The following MSH5 variants were observed in gnomAD, a reference collection of about 807,000 sequenced individuals.
MSH5 encodes mutS homolog 5.
In MSH5, 78 loss-of-function variants were observed where a neutral mutation model predicts 107.7. The observed-to-expected ratio is 0.72, with a 90% confidence interval of 0.60 to 0.87. The LOEUF (loss-of-function observed/expected upper bound fraction) is 0.87, where lower values mean the gene tolerates loss of function less well. Among genes scored for constraint, MSH5 ranks in the 40% least tolerant of loss-of-function variants. The pLI is 0.00. For missense variants in MSH5, 889 were observed against 1,046.6 expected (o/e 0.85, Z 2.08); for synonymous variants, 326 against 399.5 (o/e 0.82, Z 2.19).
chr6:31,759,078 T>G lies in MSH5; in HGVS notation c.1327-19T>G. ...TCTCCAAGCAGGAGAGTAGAGTATC[T>G]CCTCTTTACTCTCCCCAGATTGGCT... On this transcript the variant is annotated intron_variant, in intron 15 of 24. Coordinates refer to ENST00000375750, the MANE Select transcript of MSH5 (RefSeq NM_172166.4). This position sits in a 1 kb window ranked among gnomAD's most constrained non-coding sequence, Gnocchi z 4.7. 1 of 1,601,308 alleles carries G rather than the reference T, an allele frequency of 6.2e-7. No individual in the cohort carries two copies. The highest frequency in any genetic ancestry group is 8.6e-7 in the Non-Finnish European group (1 of 1,169,380).
At position 31,758,917 on chromosome 6, in the gene MSH5, G is replaced by A; in HGVS notation, c.1326+42G>A. 6.4e-7 allele frequency: 1 copy of A among 1,550,840 alleles called. No homozygotes were observed. Among genetic ancestry groups the A allele is most frequent in the Non-Finnish European group, 8.9e-7 (1 of 1,122,910 alleles). On this transcript the variant is annotated intron_variant, in intron 15 of 24. Transcript: ENST00000375750. This position sits in a 1 kb window ranked among gnomAD's most constrained non-coding sequence, Gnocchi z 5.1. The stretch of plus-strand genomic sequence containing the variant: ...GGGTGTAGCCTTCAGATGTCTTTTG[G>A]GGGAGATATTAGGCTTATGAAAGAC...
intron 10 of MSH5, among the ~76,000 whole-genome samples, chr6:31,749,703 C>T (rs1045259798): frequency 2.6e-5 from 4 of 151,988 alleles, no homozygotes; most frequent in African/African-American, 9.7e-5. Flanking sequence ...AATTAGCAGT[C>T]AGTGAATCTG....
intron 12 of MSH5, among the ~76,000 whole-genome samples, chr6:31,755,790 C>A (rs1810396410): frequency 6.6e-6 from 1 of 152,188 alleles, no homozygotes; most frequent in Admixed American, 6.5e-5. Context: ...GCCACGATGC[C>A]CAGTCAGATG....
chr6:31,745,391 C>T, intron 9 of MSH5, 72 bp downstream of exon 9: 3 of 1,022,870 alleles, frequency 2.9e-6, no homozygotes, highest in Non-Finnish European at 4.6e-6. Flanking sequence ...AAAGATGTGT[C>T]CCAGCCTCCC....
At chr6:31,757,487 A>G (rs1294361331) in intron 12 of MSH5, 1 of 152,042 alleles carries the variant, frequency 6.6e-6, no homozygotes, top group East Asian at 1.9e-4. Context: ...TTCTTGTATC[A>G]TTACAGACTC....
At chr6:31,754,854 C>T (rs1217195286) in intron 12 of MSH5, among the ~76,000 whole-genome samples, 1 of 149,762 alleles carries the variant, frequency 6.7e-6, no homozygotes, top group African/African-American at 2.5e-5. Context: ...CAGGTTCAAG[C>T]GATTCTCCTG....
At position 31,760,187 on chromosome 6, in the gene MSH5, T is replaced by G; in HGVS notation, c.1783T>G (p.Ser595Ala). ...GRVKVITGPN[S>A]SGKSIYLKQV... Reference sequence around the variant, plus strand: ...GGTCAAAGTCATCACTGGACCCAACTCATCAGGGAAGAGCATATACCTCAA... The same window carrying G: ...GGTCAAAGTCATCACTGGACCCAACGCATCAGGGAAGAGCATATACCTCAA... Residue 595 changes from serine (S) to alanine (A), a missense_variant, in exon 19 of 25, where the codon TCA (serine) becomes GCA (alanine). By Grantham distance (99) the Ser-to-Ala change is moderately conservative. Coordinates refer to ENST00000375750, the MANE Select transcript of MSH5 (RefSeq NM_172166.4). The surrounding 1 kb of genome is among the most constrained non-coding windows in gnomAD (Gnocchi z 5.6). The G allele has an allele frequency of 6.2e-7, 1 of 1,610,580 alleles. No homozygotes were observed. Among genetic ancestry groups the G allele is most frequent in the Non-Finnish European group, 8.5e-7 (1 of 1,178,500 alleles).
chr6:31,759,583 AGTGG>A lies in MSH5; in HGVS notation c.1495+73_1495+76del. On this transcript the variant is annotated intron_variant, in intron 17 of 24. Transcript: ENST00000375750. This position sits in a 1 kb window ranked among gnomAD's most constrained non-coding sequence, Gnocchi z 4.7. ...AAGCAGCAGCCAGGGGAAGGAGGGG[AGTGG>A]GCAACTTGGGGATGCTTCCAACAGG... The A allele has an allele frequency of 4.6e-6, 7 of 1,532,884 alleles. No homozygotes were observed. The highest frequency in any genetic ancestry group is 6.3e-6 in the Non-Finnish European group (7 of 1,114,292). 95.0% of individuals were successfully genotyped at this position (1,532,884 alleles called of 1,614,324 possible).
intron 10 of MSH5, among the ~76,000 whole-genome samples, chr6:31,751,290 C>G (rs1354257334): frequency 1.3e-5 from 2 of 152,154 alleles, no homozygotes; most frequent in Non-Finnish European, 2.9e-5. Context: ...GCCACCGCAC[C>G]TGGCCTGAAT....
chr6:31,761,522 T>G lies in MSH5; in HGVS notation c.2088T>G (p.Arg696=), dbSNP rs971551210. ...LAAVLRHWLA[R]GPTCPHIFVA... ...CTGTGCTCCGACACTGGCTGGCACG[T>G]GGACCCACATGCCCCCACATCTTTG... The change falls in exon 22 of 25, where the codon CGT becomes CGG. Residue 696 remains arginine, a synonymous_variant. Transcript: ENST00000375750. This position sits in a 1 kb window ranked among gnomAD's most constrained non-coding sequence, Gnocchi z 5.3. The G allele has an allele frequency of 6.2e-7, 1 of 1,613,776 alleles. No homozygotes were observed. Among genetic ancestry groups the G allele is most frequent in the Non-Finnish European group, 8.5e-7 (1 of 1,180,040 alleles).
At chr6:31,743,861 T>A in intron 5 of MSH5, 43 bp from the exon 6 acceptor site, 2 of 1,596,874 alleles carry the variant, frequency 1.3e-6, no homozygotes, top group African/African-American at 1.3e-5. Flanking sequence ...GGTGAAAAAA[T>A]TGAGCTACAA....
chr6:31,754,753 CTTTT>C (rs71552080), intron 12 of MSH5, among the ~76,000 whole-genome samples: 1 of 135,350 alleles, frequency 7.4e-6, no homozygotes. Flanking sequence ...TTTCTTTTTT[CTTTT>C]TTTTTTTTTT....
chr6:31,744,964 G>C (rs918916766), intron 8 of MSH5, among the ~76,000 whole-genome samples: 1 of 151,976 alleles, frequency 6.6e-6, no homozygotes, highest in Admixed American at 6.6e-5. Context: ...ATAAAAATTA[G>C]CTGGGTGTGT....
At position 31,759,356 on chromosome 6, in the gene MSH5, T is replaced by C; in HGVS notation, c.1408-69T>C. 6.5e-7 allele frequency: 1 copy of C among 1,532,250 alleles called. No individual in the cohort carries two copies. Among genetic ancestry groups the C allele is most frequent in the Non-Finnish European group, 9.0e-7 (1 of 1,109,552 alleles). 94.9% of individuals were successfully genotyped at this position (1,532,250 alleles called of 1,614,324 possible). On this transcript the variant is annotated intron_variant, in intron 16 of 24. Transcript: ENST00000375750. This position sits in a 1 kb window ranked among gnomAD's most constrained non-coding sequence, Gnocchi z 4.7. ...TCAGAGTTAGGGGCTGGAGGTGGGG[T>C]TAGAAAGATGGGGAAGGAGAGGAGG... is the stretch of plus-strand genomic sequence containing the variant.
At chr6:31,749,826 C>G (rs1303804009) in intron 10 of MSH5, among the ~76,000 whole-genome samples, 1 of 152,168 alleles carries the variant, frequency 6.6e-6, no homozygotes, top group Non-Finnish European at 1.5e-5. Flanking sequence ...CAAATGTAAA[C>G]GCACTGGTGA....
rs147878532 is a variant in MSH5, at chr6:31,762,448, A to T, written c.2422A>T (p.Lys808Ter). Residue 808 changes from lysine to a stop codon, truncating the protein, a stop_gained, in exon 25 of 25, where the codon AAA becomes TAA. Transcript: ENST00000375750. LOFTEE classifies it high-confidence loss of function. ...CCAGACATTAGTGGATAAGTTTATG[A>T]AACTGGATTTGGAAGATCCTAACCT... ...NCQTLVDKFM[K>*]LDLEDPNLDL... 1 of 1,613,804 alleles carries T rather than the reference A, an allele frequency of 6.2e-7. No homozygotes were observed.
At position 31,761,359 on chromosome 6, in the gene MSH5, G is replaced by A. The variant is rs1810974834; in HGVS notation, c.2037+97G>A. ...GAGGCTGGGCCTCTGGAATGGAATA[G>A]GGCTGTGTGGGCAGAAAAGAAATAG... On this transcript the variant is annotated intron_variant, in intron 21 of 24. Coordinates refer to ENST00000375750, the MANE Select transcript of MSH5 (RefSeq NM_172166.4). This position sits in a 1 kb window ranked among gnomAD's most constrained non-coding sequence, Gnocchi z 5.3. 1.2e-6 allele frequency: 2 copies of A among 1,603,654 alleles called. No homozygotes were observed. The highest frequency in any genetic ancestry group is 2.2e-5 in the East Asian group (1 of 44,770).
rs1397057777 is a variant in MSH5, at chr6:31,740,322, T to C, written c.-13-132T>C. On this transcript the variant is annotated intron_variant, in intron 1 of 24. Coordinates refer to ENST00000375750, the MANE Select transcript of MSH5 (RefSeq NM_172166.4). The surrounding 1 kb of genome is among the most constrained non-coding windows in gnomAD (Gnocchi z 4.4). ...AATTCACCTCCTGTGTCCACAGCTC[T>C]CCACGCCCCTCAGCCCTGCCCCGCA... 12 of 893,478 alleles carry C rather than the reference T, an allele frequency of 1.3e-5. No individual in the cohort carries two copies. The highest frequency in any genetic ancestry group is 1.8e-5 in the Non-Finnish European group (11 of 606,966). 55.3% of individuals were successfully genotyped at this position (893,478 alleles called of 1,614,324 possible).
Position 31,753,289 on chromosome 6 carries a change from C to G in MSH5, c.813-12C>G. ...TAACTTGTAGTACCCCCACCCAAAC[C>G]CTCACTTCCAGGCTATGGTTCACAC... On this transcript the variant is annotated splice_polypyrimidine_tract_variant and intron_variant, in intron 10 of 24. Transcript: ENST00000375750. 1.3e-6 allele frequency: 2 copies of G among 1,588,704 alleles called. No homozygotes were observed. Among genetic ancestry groups the G allele is most frequent in the South Asian group, 1.1e-5 (1 of 89,592 alleles).
Sources: allele counts gnomAD v4.1 joint callset (sites outside exome capture counted in the v4.1 genomes callset), GRCh38; gene constraint gnomAD v4.1.1; non-coding constraint Gnocchi (gnomAD v3.1); transcripts MANE v1.5; gene names NCBI Gene and HGNC (gene_info 2026-07-23, HGNC 2026-07-21).